Variants in ATG10 observed in about 807,000 individuals in gnomAD.
ATG10 encodes autophagy related 10, also known as ubiquitin-like-conjugating enzyme ATG10.
Under a neutral mutation model 32.1 loss-of-function variants are expected in ATG10, and 30 were observed. That is an observed-to-expected ratio of 0.94 (90% CI 0.70 to 1.27). The LOEUF (loss-of-function observed/expected upper bound fraction) is 1.27, where lower values mean the gene tolerates loss of function less well. ATG10 is among the 50% of genes most tolerant of loss of function. The pLI is 0.00. For missense variants in ATG10, 233 were observed against 262.3 expected (o/e 0.89, Z 0.77); for synonymous variants, 87 against 91.5 (o/e 0.95, Z 0.28).
chr5:81,994,036 C>T (rs553542474), intron 2 of ATG10, among the ~76,000 whole-genome samples: 1 of 152,168 alleles, frequency 6.6e-6, no homozygotes, highest in Non-Finnish European at 1.5e-5. Flanking sequence ...ATATCGGCTG[C>T]CTCTACACTA....
chr5:82,071,748 A>AAAT (rs1764139760), intron 3 of ATG10, among the ~76,000 whole-genome samples: 1 of 152,122 alleles, frequency 6.6e-6, no homozygotes, highest in Non-Finnish European at 1.5e-5. Context: ...TTGGGCTGTG[A>AAAT]AATAGTCAGC....
chr5:82,128,250 A>G (rs1766361897), intron 3 of ATG10, among the ~76,000 whole-genome samples: 1 of 151,910 alleles, frequency 6.6e-6, no homozygotes, highest in African/African-American at 2.4e-5. Context: ...CCAATATGCC[A>G]GTCTGTGTCT....
At chr5:82,140,176 C>G (rs1767029983) in intron 3 of ATG10, among the ~76,000 whole-genome samples, 1 of 102,100 alleles carries the variant, frequency 9.8e-6, no homozygotes, top group Non-Finnish European at 2.1e-5. Context: ...GCCAGCCGCC[C>G]CGTCCGGGAG....
At chr5:82,203,216 A>G (rs1182567976) in intron 5 of ATG10, among the ~76,000 whole-genome samples, 1 of 151,804 alleles carries the variant, frequency 6.6e-6, no homozygotes, top group Non-Finnish European at 1.5e-5. Flanking sequence ...TGACAGAGCA[A>G]GACTCCATCT....
rs1030472879 is a variant in ATG10, at chr5:82,120,320, A to G, written c.217-44079A>G. Among the ~76,000 whole-genome samples the G allele has an allele frequency of 2.6e-5, 4 of 152,158 alleles. No homozygotes were observed. In the East Asian group the frequency reaches 7.7e-4, roughly 29 times the overall value. On this transcript the variant is annotated intron_variant, in intron 3 of 7. Coordinates refer to ENST00000282185, the MANE Select transcript of ATG10 (RefSeq NM_031482.5). ...CCTGGCCCATTGATAGTCAGGTTGG[A>G]GCCACTGATGTGTTTGGCCAGGTTC...
At chr5:82,139,943 G>GC (rs1361271790) in intron 3 of ATG10, among the ~76,000 whole-genome samples, 12 of 135,120 alleles carry the variant, frequency 8.9e-5, no homozygotes, top group Non-Finnish European at 1.6e-4. Context: ...GGAGGTGGGG[G>GC]GGTCAGCCCT....
At chr5:81,989,103 A>G (rs1177115046) in intron 2 of ATG10, among the ~76,000 whole-genome samples, 1 of 152,240 alleles carries the variant, frequency 6.6e-6, no homozygotes, top group Non-Finnish European at 1.5e-5. Flanking sequence ...AGCTGGGATT[A>G]CAAGCATGAG....
At chr5:82,068,794 TG>T (rs1317728606) in intron 3 of ATG10, among the ~76,000 whole-genome samples, 1 of 149,462 alleles carries the variant, frequency 6.7e-6, no homozygotes, top group Non-Finnish European at 1.5e-5. Context: ...AATAGGTTGT[TG>T]GGGGTTTCAA....
intron 3 of ATG10, 75 bp from the exon 4 acceptor site, chr5:82,164,324 C>CCGTG: frequency 8.6e-7 from 1 of 1,164,078 alleles, no homozygotes; most frequent in Non-Finnish European, 1.2e-6. Context: ...AGAAGAAAAT[C>CCGTG]TCCTCTTTTC....
intron 3 of ATG10, among the ~76,000 whole-genome samples, chr5:82,084,924 TA>T (rs1764616746): frequency 6.6e-6 from 1 of 152,090 alleles, no homozygotes; most frequent in African/African-American, 2.4e-5. Flanking sequence ...CTGCATCAAC[TA>T]ACGAGCAAAA....
intron 3 of ATG10, among the ~76,000 whole-genome samples, chr5:82,101,560 A>T (rs1765275284): frequency 6.6e-6 from 1 of 152,222 alleles, no homozygotes. Flanking sequence ...ATAGCTTGGT[A>T]TAGCATGTCT....
At chr5:82,236,383 G>A (rs73768649) in intron 5 of ATG10, among the ~76,000 whole-genome samples, 3,604 of 152,174 alleles carry the variant, frequency 0.024, 132 homozygotes, top group African/African-American at 0.081. Context: ...TTGGGAACTC[G>A]GAGTTCTGGC....
At chr5:82,189,540 A>T (rs537277368) in intron 5 of ATG10, among the ~76,000 whole-genome samples, 1 of 152,210 alleles carries the variant, frequency 6.6e-6, no homozygotes, top group Non-Finnish European at 1.5e-5. Context: ...TTACACTGTT[A>T]AAGTCTTTAC....
At chr5:82,079,827 T>A (rs544612415) in intron 3 of ATG10, among the ~76,000 whole-genome samples, 1 of 152,166 alleles carries the variant, frequency 6.6e-6, no homozygotes, top group Non-Finnish European at 1.5e-5. Flanking sequence ...AATAAACATA[T>A]GTGTGCATGT....
At chr5:82,203,819 T>C (rs976444043) in intron 5 of ATG10, among the ~76,000 whole-genome samples, 1 of 152,154 alleles carries the variant, frequency 6.6e-6, no homozygotes, top group Admixed American at 6.5e-5. Flanking sequence ...ATCTCTAAAA[T>C]GGAGATAAAA....
chr5:82,185,988 G>T (rs1212996605), intron 5 of ATG10, among the ~76,000 whole-genome samples: 3 of 152,166 alleles, frequency 2.0e-5, no homozygotes, highest in African/African-American at 4.8e-5. Context: ...CTCAGTGTTG[G>T]TATAGGTCTC....
chr5:82,030,154 C>T (rs918990905), intron 2 of ATG10, among the ~76,000 whole-genome samples: 9 of 152,076 alleles, frequency 5.9e-5, no homozygotes, highest in African/African-American at 1.7e-4. Context: ...GGCCTCTTCA[C>T]GGACTGTGAC....
At chr5:82,193,665 T>C (rs1203496793) in intron 5 of ATG10, among the ~76,000 whole-genome samples, 1 of 152,218 alleles carries the variant, frequency 6.6e-6, no homozygotes, top group Admixed American at 6.5e-5. Flanking sequence ...TGCAAGCAAC[T>C]GTTAAAGGAG....
rs191384044 is a variant in ATG10 at position 82,054,478 on chromosome 5, C to A, written c.109-4017C>A. Among the ~76,000 whole-genome samples, 143 of 152,248 alleles carry A rather than the reference C, an allele frequency of 9.4e-4. 1 individual carries two copies. The highest frequency in any genetic ancestry group is 3.4e-3 in the African/African-American group (142 of 41,530). On this transcript the variant is annotated intron_variant, in intron 2 of 7. Transcript: ENST00000282185. ...GTTACTTGAAGTGCAAAGCACTGGC[C>A]CACACCAGTCCACGAGAGTCAATAA...
Sources: allele counts gnomAD v4.1 joint callset (sites outside exome capture counted in the v4.1 genomes callset), GRCh38; gene constraint gnomAD v4.1.1; transcripts MANE v1.5; gene names NCBI Gene and HGNC (gene_info 2026-07-23, HGNC 2026-07-21).